Variants in ADCY5 observed in about 807,000 individuals in gnomAD.
ADCY5 encodes the protein adenylate cyclase type 5.
ADCY5 carries 30 observed loss-of-function variants against 119.7 expected under a neutral mutation model. That is an observed-to-expected ratio of 0.25 (90% CI 0.19 to 0.34). ADCY5 has a LOEUF of 0.34. Ranked by LOEUF, ADCY5 falls within the 10% of genes least tolerant of loss-of-function variation. The pLI, the probability that ADCY5 is intolerant of heterozygous loss-of-function variation, is 1.00. For missense variants in ADCY5, 1,324 were observed against 1,775.2 expected (o/e 0.75, Z 4.57); for synonymous variants, 753 against 762.2 (o/e 0.99, Z 0.20).
chr3:123,376,671 C>T (rs972663458), intron 1 of ADCY5, among the ~76,000 whole-genome samples: 2 of 152,042 alleles, frequency 1.3e-5, no homozygotes, highest in Non-Finnish European at 2.9e-5. Context: ...AACCTTAGTC[C>T]CAGGTGGCCC....
At chr3:123,365,807 G>A (rs1943417137) in intron 1 of ADCY5, among the ~76,000 whole-genome samples, 1 of 152,148 alleles carries the variant, frequency 6.6e-6, no homozygotes, top group African/African-American at 2.4e-5. Flanking sequence ...CTGGATGTTT[G>A]GCAGTGAAGG....
chr3:123,390,153 G>A (rs1159715303), intron 1 of ADCY5, among the ~76,000 whole-genome samples: 1 of 152,180 alleles, frequency 6.6e-6, no homozygotes, highest in Non-Finnish European at 1.5e-5. Flanking sequence ...TCAGCTAGAG[G>A]AGAGAGGCCG....
chr3:123,284,774 T>A (rs1265495014), intron 20 of ADCY5, 38 bp from the exon 21 acceptor site: 1 of 1,613,426 alleles, frequency 6.2e-7, no homozygotes, highest in Non-Finnish European at 8.5e-7. Flanking sequence ...AAGCCACTGA[T>A]GGCCTTGGCC....
rs751557661 is a variant in ADCY5 at position 123,447,822 on chromosome 3, G to T, written c.724C>A (p.Leu242Ile). Residue 242 changes from leucine (L) to isoleucine (I), a missense_variant, in exon 1 of 21, where the codon CTC becomes ATC. Physicochemically the swap from Leu to Ile is conservative, Grantham distance 5 (BLOSUM62 2). Around this residue, in one of 6 missense-constraint regions of ADCY5, gnomAD observed 585 missense variants for 569.9 expected, o/e 1.03. Coordinates refer to ENST00000462833, the MANE Select transcript of ADCY5 (RefSeq NM_183357.3). ...ACCAGCACGGCCATGAGCATGGTGA[G>T]GCTGCTCTGGTTCAGGCGGAAGAAG... ...RYFFRLNQSS[L>I]TMLMAVLVLV... 6.2e-7 allele frequency: 1 copy of T among 1,612,866 alleles called. No homozygotes were observed. Among genetic ancestry groups the T allele is most frequent in the Middle Eastern group, 1.6e-4 (1 of 6,062 alleles).
At chr3:123,373,180 G>A (rs1943695021) in intron 1 of ADCY5, among the ~76,000 whole-genome samples, 1 of 152,208 alleles carries the variant, frequency 6.6e-6, no homozygotes, top group Non-Finnish European at 1.5e-5. Context: ...AGGAACAGGG[G>A]CACACAAATC....
intron 1 of ADCY5, among the ~76,000 whole-genome samples, chr3:123,383,073 C>T (rs1165432743): frequency 6.6e-6 from 1 of 152,106 alleles, no homozygotes; most frequent in Non-Finnish European, 1.5e-5. Flanking sequence ...CCCAGGGCCC[C>T]GAGCCTTGCT....
At position 123,284,630 on chromosome 3, in the gene ADCY5, T is replaced by C. The variant is rs765664080; in HGVS notation, c.3764A>G (p.Asn1255Ser). Residue 1255 changes from asparagine (N) to serine (S), a missense_variant, in exon 21 of 21, where the codon AAT becomes AGT. Around this residue, in one of 6 missense-constraint regions of ADCY5, gnomAD observed 178 missense variants for 329.6 expected, o/e 0.54. Transcript: ENST00000462833. ...GKGEMMTYFLNGGPPLS is the reference protein window; with the variant it reads ...GKGEMMTYFLSGGPPLS ...CTGCTAACTGAGCGGGGGCCCTCCA[T>C]TGAGGAAGTAGGTCATCATCTCGCC... 5.0e-6 allele frequency: 8 copies of C among 1,614,096 alleles called. No homozygotes were observed. The highest frequency in any genetic ancestry group is 3.3e-5 in the Admixed American group (2 of 60,036).
At chr3:123,301,143 G>A (rs540010201) in intron 14 of ADCY5, among the ~76,000 whole-genome samples, 5,369 of 152,132 alleles carry the variant, frequency 0.035, 327 homozygotes, top group African/African-American at 0.12. Context: ...TGATGCAGAT[G>A]ACGTCCCTAG....
At chr3:123,296,841 C>G (rs1939545045) in intron 16 of ADCY5, 1 of 622,922 alleles carries the variant, frequency 1.6e-6, no homozygotes. Flanking sequence ...CAAAAGCAGC[C>G]ATTCCAAATC....
At position 123,350,582 on chromosome 3, in the gene ADCY5, T is replaced by C. The variant is rs530443019; in HGVS notation, c.1284+1850A>G. 1.7e-4 allele frequency among the ~76,000 whole-genome samples: 26 copies of C among 152,326 alleles called. No individual in the cohort carries two copies. In the East Asian group the frequency reaches 4.4e-3, roughly 26 times the overall value. On this transcript the variant is annotated intron_variant, in intron 2 of 20. Coordinates refer to ENST00000462833, the MANE Select transcript of ADCY5 (RefSeq NM_183357.3). Reference sequence around the variant, plus strand: ...GCAGGGGGCCGCTGAGGAACAATTCTGAGCCCACTCATCACAGGGCACCTA... The same window carrying C: ...GCAGGGGGCCGCTGAGGAACAATTCCGAGCCCACTCATCACAGGGCACCTA...
intron 1 of ADCY5, among the ~76,000 whole-genome samples, chr3:123,426,299 G>GTTTTTTTTTTTTTTTTTTT (rs750760543): frequency 6.1e-5 from 6 of 97,938 alleles, no homozygotes; most frequent in Non-Finnish European, 1.2e-4. Flanking sequence ...TTTCTTTTGT[G>GTTTTTTTTTTTTTTTTTTT]TTTTTTTTTT....
At position 123,318,079 on chromosome 3, in the gene ADCY5, C is replaced by G; in HGVS notation, c.2295G>C (p.Val765=). 1 of 1,613,886 alleles carries G rather than the reference C, an allele frequency of 6.2e-7. No individual in the cohort carries two copies. The highest frequency in any genetic ancestry group is 8.5e-7 in the Non-Finnish European group (1 of 1,179,948). ...AGAGGAAGACGAGCGAGGCACACGC[C>G]ACATAGGCACCAAATCGGTCGTCTA... is the stretch of plus-strand genomic sequence containing the variant. ...KQVDDRFGAY[V]ACASLVFLFI... Residue 765 remains valine, a synonymous_variant, in exon 11 of 21, where the codon GTG becomes GTC. Transcript: ENST00000462833.
At chr3:123,443,166 G>A (rs1465862261) in intron 1 of ADCY5, among the ~76,000 whole-genome samples, 2 of 152,180 alleles carry the variant, frequency 1.3e-5, no homozygotes, top group Non-Finnish European at 2.9e-5. Context: ...GCTCTTCAGC[G>A]GGGCTCATTG....
In ADCY5 at chr3:123,289,599, G is replaced by A. The variant is rs192930278; in HGVS notation, c.3532+151C>T. 3.4e-6 allele frequency: 3 copies of A among 883,512 alleles called. No individual in the cohort carries two copies. In the African/African-American group the frequency reaches 4.9e-5, roughly 15 times the overall value. 54.7% of individuals were successfully genotyped at this position (883,512 alleles called of 1,614,324 possible). Reference sequence around the variant, plus strand: ...ACCCATGCCTGCCCCCACCTACTAAGGGCAGGGAACACACCACATCAGCCT... The same window carrying A: ...ACCCATGCCTGCCCCCACCTACTAAAGGCAGGGAACACACCACATCAGCCT... On this transcript the variant is annotated intron_variant, in intron 19 of 20. Coordinates refer to ENST00000462833, the MANE Select transcript of ADCY5 (RefSeq NM_183357.3).
At chr3:123,420,698 G>A (rs1267657000) in intron 1 of ADCY5, among the ~76,000 whole-genome samples, 9 of 152,198 alleles carry the variant, frequency 5.9e-5, no homozygotes, top group Non-Finnish European at 1.2e-4. Context: ...GAGGGGCAGT[G>A]GCCACACCAT....
At chr3:123,334,006 C>T (rs1189511661) in intron 3 of ADCY5, among the ~76,000 whole-genome samples, 3 of 152,152 alleles carry the variant, frequency 2.0e-5, no homozygotes, top group Non-Finnish European at 4.4e-5. Context: ...ATCTTTCACC[C>T]GTCCCTGTGG....
rs934900408 is a variant in ADCY5 at position 123,326,742 on chromosome 3, G to A, written c.1947+876C>T. On this transcript the variant is annotated intron_variant, in intron 7 of 20. Coordinates refer to ENST00000462833, the MANE Select transcript of ADCY5 (RefSeq NM_183357.3). ...GACACAGCTCCCATGAAGGGCCCCC[G>A]AGCCAGGATCTGTCCCCTGGGGTAC... Among the ~76,000 whole-genome samples the A allele has an allele frequency of 5.3e-5, 8 of 152,174 alleles. No individual in the cohort carries two copies. The East Asian group carries it at 5.8e-4, about 11-fold the overall frequency.
intron 19 of ADCY5, among the ~76,000 whole-genome samples, chr3:123,289,541 T>A (rs1314084776): frequency 6.6e-6 from 1 of 152,238 alleles, no homozygotes; most frequent in African/African-American, 2.4e-5. Context: ...AGCAGAGGCA[T>A]CGCCAGGCTC....
In ADCY5 at chr3:123,327,438, C is replaced by T. The variant is rs985328146; in HGVS notation, c.1947+180G>A. ...CAAAAGAAGCACTATTAAAAGATTC[C>T]CTCTTTACCATCCTTTTTGCAAGGC... On this transcript the variant is annotated intron_variant, in intron 7 of 20. Transcript: ENST00000462833. Among the ~76,000 whole-genome samples the T allele has an allele frequency of 7.2e-5, 11 of 152,194 alleles. 1 individual carries two copies. Among genetic ancestry groups the T allele is most frequent in the African/African-American group, 2.7e-4 (11 of 41,444 alleles).
Sources: gnomAD v4.1 joint callset for allele counts (sites outside exome capture counted in the v4.1 genomes callset) on GRCh38, gnomAD v4.1.1 for gene constraint, gnomAD v4.1.1 regional missense constraint, MANE v1.5 for transcripts, NCBI Gene and HGNC (gene_info 2026-07-23, HGNC 2026-07-21) for gene names.